Variants in POPDC1 observed in about 807,000 individuals in gnomAD.
POPDC1 encodes popeye domain cAMP effector 1.
chr6:105,115,162 C>A, the POPDC1 span, among the ~76,000 whole-genome samples: 1 of 152,276 alleles, frequency 6.6e-6, no homozygotes, highest in Non-Finnish European at 1.5e-5. Context: ...TCTCAACTCA[C>A]TGCAAGCTCC....
the POPDC1 span, among the ~76,000 whole-genome samples, chr6:105,114,002 T>TG: frequency 6.7e-6 from 1 of 149,818 alleles, no homozygotes; most frequent in African/African-American, 2.5e-5. Context: ...AAACAGGAGA[T>TG]TAAATTCTTG....
chr6:105,129,421 G>T, the POPDC1 span: 1 of 1,612,414 alleles, frequency 6.2e-7, no homozygotes, highest in Non-Finnish European at 8.5e-7. Context: ...GCAAAATGTT[G>T]ACACCCAAGA....
chr6:105,133,602 T>C, the POPDC1 span: 3 of 1,531,146 alleles, frequency 2.0e-6, no homozygotes, highest in African/African-American at 4.2e-5. Flanking sequence ...TAAAAACAAG[T>C]AAACAAAAGT....
the POPDC1 span, among the ~76,000 whole-genome samples, chr6:105,103,935 T>C: frequency 2.0e-5 from 3 of 152,330 alleles, no homozygotes; most frequent in Admixed American, 1.3e-4. Context: ...TGTGAAAGAA[T>C]TTATTCTGCT....
chr6:105,117,745 C>A, the POPDC1 span, among the ~76,000 whole-genome samples: 1 of 152,186 alleles, frequency 6.6e-6, no homozygotes, highest in African/African-American at 2.4e-5. Flanking sequence ...CTGTTCCAAG[C>A]ACTGTGAAGG....
At chr6:105,100,933 C>T in the POPDC1 span, 4 of 748,854 alleles carry the variant, frequency 5.3e-6, no homozygotes, top group African/African-American at 7.2e-5. Flanking sequence ...AGTGAAAGAA[C>T]TCTTCCATCC....
At chr6:105,119,176 C>T in the POPDC1 span, among the ~76,000 whole-genome samples, 2 of 116,676 alleles carry the variant, frequency 1.7e-5, no homozygotes, top group South Asian at 6.7e-4. Flanking sequence ...CAGAGTGAGA[C>T]TCCCTCTCAA....
the POPDC1 span, among the ~76,000 whole-genome samples, chr6:105,106,693 G>A: frequency 0.048 from 7,236 of 152,256 alleles, 564 homozygotes; most frequent in African/African-American, 0.17. Context: ...GGCTGCAAGG[G>A]CAAACAAAAC....
the POPDC1 span, among the ~76,000 whole-genome samples, chr6:105,128,620 A>G: frequency 6.6e-6 from 1 of 152,210 alleles, no homozygotes; most frequent in African/African-American, 2.4e-5. Flanking sequence ...ATGAGGTTAC[A>G]ATCTAGTTGA....
the POPDC1 span, among the ~76,000 whole-genome samples, chr6:105,114,613 T>G: frequency 6.6e-6 from 1 of 152,282 alleles, no homozygotes; most frequent in Admixed American, 6.5e-5. Flanking sequence ...TCTGCCTTTT[T>G]GCTATTTCAT....
At chr6:105,115,750 G>A in the POPDC1 span, 67 of 1,614,058 alleles carry the variant, frequency 4.2e-5, no homozygotes, top group Non-Finnish European at 5.2e-5. Flanking sequence ...TGTCACTGGA[G>A]CTGGCTATAC....
the POPDC1 span, among the ~76,000 whole-genome samples, chr6:105,118,255 T>C: frequency 9.7e-4 from 147 of 152,104 alleles, no homozygotes; most frequent in African/African-American, 3.5e-3. Flanking sequence ...AGACAGAAAA[T>C]GAAAAACCCA....
the POPDC1 span, among the ~76,000 whole-genome samples, chr6:105,117,746 A>G: frequency 1.3e-5 from 2 of 152,330 alleles, no homozygotes; most frequent in South Asian, 4.1e-4. Flanking sequence ...TGTTCCAAGC[A>G]CTGTGAAGGC....
chr6:105,104,612 TC>T, the POPDC1 span, among the ~76,000 whole-genome samples: 2 of 152,124 alleles, frequency 1.3e-5, no homozygotes, highest in African/African-American at 2.4e-5. Flanking sequence ...GGCCTCAGGG[TC>T]CAGTAAACCT....
At chr6:105,116,324 C>T in the POPDC1 span, among the ~76,000 whole-genome samples, 2 of 152,214 alleles carry the variant, frequency 1.3e-5, no homozygotes, top group East Asian at 3.9e-4. Context: ...GACTGGAAGA[C>T]AGCAGGGTTC....
the POPDC1 span, among the ~76,000 whole-genome samples, chr6:105,128,156 ATAAG>A: frequency 6.6e-6 from 1 of 152,212 alleles, no homozygotes; most frequent in East Asian, 1.9e-4. Context: ...GGATACAACA[ATAAG>A]TGTGTTAGAT....
At chr6:105,126,950 G>C in the POPDC1 span, among the ~76,000 whole-genome samples, 3 of 152,194 alleles carry the variant, frequency 2.0e-5, no homozygotes, top group African/African-American at 4.8e-5. Flanking sequence ...TGGAGGAAGA[G>C]AAAAACAAAA....
chr6:105,107,396 G>C, the POPDC1 span, among the ~76,000 whole-genome samples: 1 of 152,172 alleles, frequency 6.6e-6, no homozygotes, highest in Non-Finnish European at 1.5e-5. Context: ...TTACAGGAGA[G>C]CCTGAAGGCC....
chr6:105,102,206 C>G, the POPDC1 span, among the ~76,000 whole-genome samples: 1 of 152,138 alleles, frequency 6.6e-6, no homozygotes, highest in African/African-American at 2.4e-5. Flanking sequence ...GGAGGGATAC[C>G]GGGTGAAACC....
Sources: gnomAD v4.1 joint callset for allele counts (sites outside exome capture counted in the v4.1 genomes callset) on GRCh38, gnomAD v4.1.1 for gene constraint, MANE v1.5 for transcripts, NCBI Gene and HGNC (gene_info 2026-07-23, HGNC 2026-07-21) for gene names.